Variants in SBF2 observed in about 807,000 individuals in gnomAD.
SBF2 encodes SET binding factor 2, also known as myotubularin-related protein 13.
Under a neutral mutation model 225.2 loss-of-function variants are expected in SBF2, and 112 were observed. That is an observed-to-expected ratio of 0.50 (90% CI 0.43 to 0.58). The LOEUF (loss-of-function observed/expected upper bound fraction) is 0.58, where lower values mean the gene tolerates loss of function less well. SBF2 is among the 20% of genes least tolerant of loss of function. The pLI is 0.00. For synonymous variants in SBF2, 763 were observed against 773.3 expected, an observed-to-expected ratio of 0.99 and a Z score of 0.22; for missense variants, 1,996 against 2,206.2, an observed-to-expected ratio of 0.90 and a Z score of 1.91.
rs144992256 is a variant in SBF2, at chr11:10,145,072, C to A, written c.141+48830G>T. Among the ~76,000 whole-genome samples the A allele has an allele frequency of 3.7e-3, 567 of 152,294 alleles. 6 individuals are homozygous for A. In the East Asian group the frequency reaches 0.038, roughly 10 times the overall value. On this transcript the variant is annotated intron_variant, in intron 2 of 39. Coordinates refer to ENST00000256190, the MANE Select transcript of SBF2 (RefSeq NM_030962.4). ...AAGGAGTATGGGGATTAGGAATTCA[C>A]GTAGCACAAAGAGGCGATGGCTTGT...
intron 30 of SBF2, chr11:9,810,333 A>C (rs1378338383): frequency 6.6e-6 from 1 of 152,222 alleles, no homozygotes; most frequent in Non-Finnish European, 1.5e-5. Flanking sequence ...TAAATGAGAA[A>C]AAAACTTTCA....
At chr11:10,042,734 T>A in intron 3 of SBF2, 110 bp downstream of exon 3, 1 of 1,101,894 alleles carries the variant, frequency 9.1e-7, no homozygotes, top group Non-Finnish European at 1.4e-6. Context: ...ATGCTTCTTA[T>A]GCTAGCCCAT....
chr11:10,206,825 A>G (rs1957767301), intron 1 of SBF2, among the ~76,000 whole-genome samples: 1 of 151,158 alleles, frequency 6.6e-6, no homozygotes, highest in Non-Finnish European at 1.5e-5. Context: ...TAAAATATAA[A>G]GAACATTGGG....
rs753456357 is a variant in SBF2 at position 10,002,027 on chromosome 11, T to TA, written c.752+529dup. ...AGGAAAAAAATTTTAACATATCCCA[T>TA]AAAAAAAACAGAGGAAAAAATTACA... On this transcript the variant is annotated intron_variant, in intron 7 of 39. Transcript: ENST00000256190. Among the ~76,000 whole-genome samples, 145 of 151,772 alleles carry TA rather than the reference T, an allele frequency of 9.6e-4. 1 individual carries two copies. Among genetic ancestry groups the TA allele is most frequent in the Non-Finnish European group, 1.6e-3 (108 of 67,920 alleles).
intron 29 of SBF2, among the ~76,000 whole-genome samples, chr11:9,813,414 G>A (rs990336209): frequency 1.8e-4 from 27 of 152,006 alleles, no homozygotes; most frequent in Admixed American, 1.6e-3. Context: ...TGCAACCTCC[G>A]CTTCCCAGGT....
In SBF2 at chr11:10,042,883, G is replaced by A; in HGVS notation, c.240C>T (p.Cys80=). 1.2e-6 allele frequency: 2 copies of A among 1,613,988 alleles called. No homozygotes were observed. The highest frequency in any genetic ancestry group is 1.7e-6 in the Non-Finnish European group (2 of 1,179,880). Reference sequence around the variant, plus strand: ...CTGCCTCATAGAAGGTTAGGCATGAGCAGTAATGTCGATCTGAGTCAATGT... The same window carrying A: ...CTGCCTCATAGAAGGTTAGGCATGAACAGTAATGTCGATCTGAGTCAATGT... ...LTDIDSDRHY[C]SCLTFYEAEI... Residue 80 remains cysteine, a synonymous_variant, in exon 3 of 40, where the codon TGC becomes TGT. Coordinates refer to ENST00000256190, the MANE Select transcript of SBF2 (RefSeq NM_030962.4).
intron 1 of SBF2, among the ~76,000 whole-genome samples, chr11:10,290,617 G>C (rs964493693): frequency 1.3e-5 from 2 of 152,042 alleles, no homozygotes; most frequent in Admixed American, 1.3e-4. Flanking sequence ...ATGGGAGACT[G>C]AACAATAAGT....
intron 16 of SBF2, among the ~76,000 whole-genome samples, chr11:9,936,135 G>T (rs1017575922): frequency 6.6e-6 from 1 of 152,158 alleles, no homozygotes; most frequent in Admixed American, 6.5e-5. Flanking sequence ...ATCAAAAAGT[G>T]GGTGAAGTAT....
At chr11:10,148,878 C>G (rs1955021012) in intron 2 of SBF2, among the ~76,000 whole-genome samples, 1 of 152,108 alleles carries the variant, frequency 6.6e-6, no homozygotes, top group African/African-American at 2.4e-5. Flanking sequence ...GGAGAAACTC[C>G]CTAGTCCTTT....
At position 9,781,539 on chromosome 11, in the gene SBF2, G is replaced by C. The variant is rs781601322; in HGVS notation, c.5419C>G (p.Pro1807Ala). 8 of 1,614,094 alleles carry C rather than the reference G, an allele frequency of 5.0e-6. No homozygotes were observed. The highest frequency in any genetic ancestry group is 2.7e-5 in the African/African-American group (2 of 74,938). The change falls in exon 39 of 40, where the codon CCA (proline) becomes GCA (alanine). Residue 1807 changes from proline to alanine, a missense_variant. Pro to Ala is a conservative substitution (Grantham distance 27). Coordinates refer to ENST00000256190, the MANE Select transcript of SBF2 (RefSeq NM_030962.4). ...AAAGCCTTGTCACTTGTGTGCTTTG[G>C]GGCTCCCATGCTGGGGCCAGCAGGG... is the stretch of plus-strand genomic sequence containing the variant. ...VIPAGPSMGA[P>A]KHTSDKAFFD...
intron 16 of SBF2, among the ~76,000 whole-genome samples, chr11:9,911,501 T>C (rs1222463530): frequency 6.6e-6 from 1 of 152,162 alleles, no homozygotes; most frequent in African/African-American, 2.4e-5. Flanking sequence ...TCAAATAGTT[T>C]AAAAAATTAA....
intron 2 of SBF2, among the ~76,000 whole-genome samples, chr11:10,170,458 G>C (rs1161691249): frequency 6.6e-6 from 1 of 152,024 alleles, no homozygotes; most frequent in African/African-American, 2.4e-5. Context: ...TTTGTCTCTG[G>C]ATTCTCTATT....
intron 2 of SBF2, among the ~76,000 whole-genome samples, chr11:10,167,815 C>G (rs1956032739): frequency 6.6e-6 from 1 of 152,084 alleles, no homozygotes. Flanking sequence ...GTCAGGAGTT[C>G]AAGACCAGCC....
chr11:10,017,723 T>A (rs1303994758), intron 6 of SBF2, among the ~76,000 whole-genome samples: 8 of 152,092 alleles, frequency 5.3e-5, no homozygotes, highest in Non-Finnish European at 2.9e-5. Flanking sequence ...ACCCCCTGAG[T>A]ATGACATGAA....
chr11:9,856,352 G>A lies in SBF2; in HGVS notation c.2363+106C>T, dbSNP rs529733982. 10 of 1,427,300 alleles carry A rather than the reference G, an allele frequency of 7.0e-6. No individual in the cohort carries two copies. The East Asian group carries it at 1.8e-4, about 26-fold the overall frequency. 88.4% of individuals were successfully genotyped at this position (1,427,300 alleles called of 1,614,324 possible). ...AGGTGAGGAAAAATGGTTAACTTTT[G>A]AAATATGTACAGCAGTATTTGCTCA... On this transcript the variant is annotated intron_variant, in intron 19 of 39. Transcript: ENST00000256190.
intron 32 of SBF2, among the ~76,000 whole-genome samples, chr11:9,806,124 G>GT (rs1853831387): frequency 6.6e-6 from 1 of 152,186 alleles, no homozygotes; most frequent in Non-Finnish European, 1.5e-5. Flanking sequence ...ACTAAGTAGA[G>GT]GGCAATAGTT....
chr11:10,058,094 G>A (rs1950314157), intron 2 of SBF2, among the ~76,000 whole-genome samples: 1 of 152,140 alleles, frequency 6.6e-6, no homozygotes, highest in Non-Finnish European at 1.5e-5. Flanking sequence ...TAACTCCAAT[G>A]GTCCAGAGAG....
intron 2 of SBF2, among the ~76,000 whole-genome samples, chr11:10,122,079 G>C (rs565948518): frequency 6.6e-6 from 1 of 152,140 alleles, no homozygotes; most frequent in Non-Finnish European, 1.5e-5. Context: ...CTTCCTTTAA[G>C]TGTAAAAGTG....
chr11:9,834,386 G>A (rs1855609483), intron 26 of SBF2, among the ~76,000 whole-genome samples: 1 of 152,092 alleles, frequency 6.6e-6, no homozygotes, highest in Admixed American at 6.5e-5. Flanking sequence ...TTTTTTATGT[G>A]TACAAACCAG....
Sources: allele counts gnomAD v4.1 joint callset (sites outside exome capture counted in the v4.1 genomes callset), GRCh38; gene constraint gnomAD v4.1.1; transcripts MANE v1.5; gene names NCBI Gene and HGNC (gene_info 2026-07-23, HGNC 2026-07-21).